The following RGS7 variants were observed in gnomAD, a reference collection of about 807,000 sequenced individuals.
RGS7 encodes the protein regulator of G protein signaling 7, also known as regulator of G-protein signaling 7.
In RGS7, 27 loss-of-function variants were observed where a neutral mutation model predicts 81.1. The ratio of observed to expected loss-of-function variants is 0.33; its 90% CI spans 0.25 to 0.46. RGS7 has a LOEUF of 0.46. RGS7 is among the 20% of genes least tolerant of loss of function. The probability of loss-of-function intolerance (pLI) is 1.00; values close to 1 mark genes in which losing one functional copy is unlikely to be tolerated. For missense variants in RGS7, 396 were observed against 607.4 expected, an observed-to-expected ratio of 0.65 and a Z score of 3.66; for synonymous variants, 208 against 207.7, an observed-to-expected ratio of 1.00 and a Z score of -0.01.
chr1:241,182,742 G>A (rs1205684931), intron 2 of RGS7, among the ~76,000 whole-genome samples: 1 of 150,862 alleles, frequency 6.6e-6, no homozygotes, highest in Non-Finnish European at 1.5e-5. Context: ...TCCGCCTTGC[G>A]GGTTCCAGTG....
intron 4 of RGS7, among the ~76,000 whole-genome samples, chr1:240,941,874 A>T (rs895309043): frequency 1.3e-5 from 2 of 150,932 alleles, no homozygotes; most frequent in African/African-American, 4.9e-5. Context: ...ATAACGGCAC[A>T]CCAGATGGCC....
intron 2 of RGS7, among the ~76,000 whole-genome samples, chr1:241,323,844 T>C (rs539688007): frequency 6.6e-6 from 1 of 152,118 alleles, no homozygotes; most frequent in Admixed American, 6.5e-5. Context: ...ACAGAAGTCA[T>C]AATAATATAA....
At chr1:241,013,251 T>C (rs929481823) in intron 3 of RGS7, among the ~76,000 whole-genome samples, 1 of 151,960 alleles carries the variant, frequency 6.6e-6, no homozygotes, top group Non-Finnish European at 1.5e-5. Flanking sequence ...TTTCTAGAGA[T>C]GGGGTTTCAC....
At chr1:241,227,570 C>CGAAAAA (rs763543540) in intron 2 of RGS7, among the ~76,000 whole-genome samples, 1 of 103,730 alleles carries the variant, frequency 9.6e-6, no homozygotes, top group Non-Finnish European at 1.9e-5. Context: ...CTGTCTCTAC[C>CGAAAAA]AAAAAAAAAA....
chr1:240,935,248 T>C (rs1676430112), intron 5 of RGS7, among the ~76,000 whole-genome samples: 1 of 152,138 alleles, frequency 6.6e-6, no homozygotes, highest in South Asian at 2.1e-4. Context: ...AAACCTTGTC[T>C]GTCTACTACA....
intron 9 of RGS7, among the ~76,000 whole-genome samples, chr1:240,835,469 A>G (rs757051594): frequency 3.9e-5 from 6 of 152,232 alleles, no homozygotes; most frequent in Admixed American, 6.5e-5. Context: ...GGAGCCACAG[A>G]GATTCTCATT....
At chr1:241,085,373 T>C (rs983378303) in intron 3 of RGS7, among the ~76,000 whole-genome samples, 8 of 152,108 alleles carry the variant, frequency 5.3e-5, no homozygotes, top group Non-Finnish European at 7.4e-5. Context: ...TAACAAAACA[T>C]TGGTTTTAAG....
At chr1:241,188,259 T>C (rs554387886) in intron 2 of RGS7, among the ~76,000 whole-genome samples, 3 of 149,922 alleles carry the variant, frequency 2.0e-5, no homozygotes, top group South Asian at 4.3e-4. Context: ...TTATATAACT[T>C]CTATTATAGT....
intron 6 of RGS7, among the ~76,000 whole-genome samples, chr1:240,898,857 T>G (rs12738852): frequency 0.13 from 19,401 of 152,152 alleles, 1,336 homozygotes; most frequent in Middle Eastern, 0.18. Context: ...TCTGTCTCGT[T>G]GATCTGTCTA....
intron 3 of RGS7, among the ~76,000 whole-genome samples, chr1:241,076,341 A>T (rs1383169220): frequency 6.6e-6 from 1 of 152,132 alleles, no homozygotes; most frequent in Non-Finnish European, 1.5e-5. Flanking sequence ...AGACAGGAAC[A>T]ACTCTACATT....
chr1:240,800,794 C>T (rs1572147711), intron 17 of RGS7, 73 bp from the exon 18 acceptor site: 9 of 784,690 alleles, frequency 1.1e-5, no homozygotes, highest in East Asian at 8.5e-5. Flanking sequence ...GGCACTGGCA[C>T]AATACAAAAA....
chr1:240,973,761 T>C lies in RGS7; in HGVS notation c.226+9318A>G, dbSNP rs922217408. 5.9e-5 allele frequency among the ~76,000 whole-genome samples: 9 copies of C among 151,854 alleles called. No homozygotes were observed. In the East Asian group the frequency reaches 1.8e-3, roughly 30 times the overall value. On this transcript the variant is annotated intron_variant, in intron 4 of 18. Transcript: ENST00000440928. ...CCCACCACCGCGCCCGGCTAATTTT[T>C]TTTTCTATTTTCAGTAGAGACGGGG... is the stretch of plus-strand genomic sequence containing the variant.
chr1:241,004,126 C>T (rs1257572191), intron 3 of RGS7, among the ~76,000 whole-genome samples: 1 of 152,190 alleles, frequency 6.6e-6, no homozygotes, highest in Non-Finnish European at 1.5e-5. Context: ...CCTACTAAGG[C>T]AAGCTGTGTA....
chr1:241,030,962 C>A (rs1035469679), intron 3 of RGS7, among the ~76,000 whole-genome samples: 2 of 152,162 alleles, frequency 1.3e-5, no homozygotes, highest in Non-Finnish European at 1.5e-5. Flanking sequence ...CATTCAGCAA[C>A]TTCTTTTAAA....
chr1:241,206,991 T>C (rs12033801), intron 2 of RGS7, among the ~76,000 whole-genome samples: 2,375 of 115,454 alleles, frequency 0.021, 47 homozygotes, highest in Non-Finnish European at 0.031. Context: ...TTTTTTGAGA[T>C]GGAGTCTCGC....
chr1:241,259,650 C>CAAAAAAAAAAAAAAAAAAAA lies in RGS7; in HGVS notation c.78+96048_78+96049insTTTTTTTTTTTTTTTTTTTT, dbSNP rs71571832. ...GGACAACAAGAGCGAAACTCCGTCT[C>CAAAAAAAAAAAAAAAAAAAA]AAAAAAAAAAAAAAAAAATATATAT... On this transcript the variant is annotated intron_variant, in intron 2 of 18. Transcript: ENST00000440928. 1.2e-3 allele frequency among the ~76,000 whole-genome samples: 46 copies of CAAAAAAAAAAAAAAAAAAAA among 39,890 alleles called. 1 individual carries two copies. Among genetic ancestry groups the CAAAAAAAAAAAAAAAAAAAA allele is most frequent in the Non-Finnish European group, 1.7e-3 (40 of 24,114 alleles). 26.2% of individuals were successfully genotyped at this position (39,890 alleles called of 152,430 possible).
At chr1:241,075,053 A>C (rs912817159) in intron 3 of RGS7, among the ~76,000 whole-genome samples, 2 of 152,200 alleles carry the variant, frequency 1.3e-5, no homozygotes, top group Admixed American at 6.5e-5. Flanking sequence ...GAATGTTAAG[A>C]GAAATATCCA....
At chr1:240,901,614 T>C (rs1400914605) in intron 6 of RGS7, among the ~76,000 whole-genome samples, 1 of 152,214 alleles carries the variant, frequency 6.6e-6, no homozygotes, top group Non-Finnish European at 1.5e-5. Flanking sequence ...TCTTCTAAGA[T>C]ACTAACTTGT....
intron 9 of RGS7, among the ~76,000 whole-genome samples, chr1:240,867,757 T>C (rs547439152): frequency 1.3e-3 from 201 of 152,080 alleles, no homozygotes; most frequent in Non-Finnish European, 2.4e-3. Context: ...TCCCAGAACT[T>C]TGGGAGGCTG....
Sources: gnomAD v4.1 joint callset for allele counts (sites outside exome capture counted in the v4.1 genomes callset) on GRCh38, gnomAD v4.1.1 for gene constraint, MANE v1.5 for transcripts, NCBI Gene and HGNC (gene_info 2026-07-23, HGNC 2026-07-21) for gene names.